Variants in NLRP12 observed in about 807,000 individuals in gnomAD.
NLRP12 encodes NLR family pyrin domain containing 12.
In NLRP12, 108 loss-of-function variants were observed where a neutral mutation model predicts 91.2. The observed-to-expected ratio is 1.18, with a 90% confidence interval of 1.01 to 1.39. The LOEUF (loss-of-function observed/expected upper bound fraction) is 1.39, where lower values mean the gene tolerates loss of function less well. NLRP12 is among the 40% of genes most tolerant of loss of function. The pLI, the probability that NLRP12 is intolerant of heterozygous loss-of-function variation, is 0.00. For missense variants in NLRP12, 1,530 were observed against 1,352.7 expected, an observed-to-expected ratio of 1.13 and a Z score of -2.06; for synonymous variants, 613 against 566.7, an observed-to-expected ratio of 1.08 and a Z score of -1.16.
At position 53,811,184 on chromosome 19, in the gene NLRP12, GGGTGTACC is replaced by G; in HGVS notation, c.467_474del (p.Arg156ProfsTer34). The G allele has an allele frequency of 6.2e-7, 1 of 1,614,150 alleles. No homozygotes were observed. The highest frequency in any genetic ancestry group is 8.5e-7 in the Non-Finnish European group (1 of 1,180,034). ...GAGTGCTCCTTCACCAGCAGGAGCC[GGGTGTACC>G]GGTGGCTGAGGTTGACACATTCCCC... On this transcript the variant is annotated frameshift_variant, in exon 3 of 10. Transcript: ENST00000324134. LOFTEE classifies it high-confidence loss of function.
In NLRP12 at chr19:53,804,399, TTG is replaced by T. The variant is rs780414927; in HGVS notation, c.2415-279_2415-278del. On this transcript the variant is annotated intron_variant, in intron 5 of 9. Coordinates refer to ENST00000324134, the MANE Select transcript of NLRP12 (RefSeq NM_144687.4). ...TGTTTTTTGTTTTTTTTGGGTTTTTTTGTTTTTTTTTTTTTTTGAGGTAGAAC... is the reference window on the plus strand; with the variant it reads ...TGTTTTTTGTTTTTTTTGGGTTTTTTTTTTTTTTTTTTTTTGAGGTAGAAC... 5.0e-3 allele frequency among the ~76,000 whole-genome samples: 361 copies of T among 72,378 alleles called. 13 individuals carry two copies. The highest frequency in any genetic ancestry group is 7.2e-3 in the Middle Eastern group (1 of 138). The allele number at this position is 72,378 out of a possible 152,430, so 47.5% of individuals were successfully genotyped here. A position where few individuals can be genotyped will look rare whatever the true frequency, so the allele number is the denominator to read the frequency against.
chr19:53,810,857 T>C lies in NLRP12; in HGVS notation c.802A>G (p.Ile268Val), dbSNP rs2092060114. Residue 268 changes from isoleucine (I) to valine (V), a missense_variant, in exon 3 of 10, where the codon ATC becomes GTC. By Grantham distance (29) the Ile-to-Val change is conservative. Coordinates refer to ENST00000324134, the MANE Select transcript of NLRP12 (RefSeq NM_144687.4). ...CTGGGCTCAGGCCAGCAGCTGAAGA[T>C]GAGGTCTTGCATGCTGCATTCCGTG... Reference protein sequence around the residue: ...SATECSMQDLIFSCWPEPSAP... With the variant: ...SATECSMQDLVFSCWPEPSAP... 6.2e-7 allele frequency: 1 copy of C among 1,614,070 alleles called. No individual in the cohort carries two copies. Among genetic ancestry groups the C allele is most frequent in the Non-Finnish European group, 8.5e-7 (1 of 1,180,022 alleles).
At chr19:53,823,401 T>TATA (rs2092290938) in intron 1 of NLRP12, among the ~76,000 whole-genome samples, 1 of 132,970 alleles carries the variant, frequency 7.5e-6, no homozygotes, top group Non-Finnish European at 1.6e-5. Flanking sequence ...TTTAAATATA[T>TATA]ATTTAAAATA....
intron 8 of NLRP12, among the ~76,000 whole-genome samples, chr19:53,797,805 C>T (rs1046314027): frequency 2.0e-5 from 3 of 151,272 alleles, no homozygotes; most frequent in African/African-American, 7.3e-5. Flanking sequence ...ATGGCATGAT[C>T]TCGGCTCACT....
At position 53,824,299 on chromosome 19, in the gene NLRP12, C is replaced by A; in HGVS notation, c.-125G>T. 1 of 1,021,080 alleles carries A rather than the reference C, an allele frequency of 9.8e-7. No homozygotes were observed. Among genetic ancestry groups the A allele is most frequent in the Non-Finnish European group, 1.5e-6 (1 of 674,036 alleles). 63.3% of individuals were successfully genotyped at this position (1,021,080 alleles called of 1,614,324 possible). On this transcript the variant is annotated 5_prime_UTR_variant, in exon 1 of 10. Transcript: ENST00000324134. ...CAGGCAGCGGGCGGAGAGGCTGAGC[C>A]AGTGGTTGGAGGAGAGAGCAAGGGA... is the stretch of plus-strand genomic sequence containing the variant.
chr19:53,823,994 T>G lies in NLRP12; in HGVS notation c.181A>C (p.Ile61Leu). 3 of 1,614,192 alleles carry G rather than the reference T, an allele frequency of 1.9e-6. No homozygotes were observed. Among genetic ancestry groups the G allele is most frequent in the Non-Finnish European group, 2.5e-6 (3 of 1,180,040 alleles). Residue 61 changes from isoleucine to leucine, a missense_variant, in exon 1 of 10, where the codon ATC (isoleucine) becomes CTC (leucine). Physicochemically the swap from Ile to Leu is conservative, Grantham distance 5 (BLOSUM62 2). Coordinates refer to ENST00000324134, the MANE Select transcript of NLRP12 (RefSeq NM_144687.4). The part of the protein sequence containing the change: ...AGPLEMAQLL[I>L]THFGPEEAWR... ...GCCTCCTCTGGCCCGAAGTGGGTGA[T>G]GAGCAGCTGGGCCATTTCCAGGGGA...
At chr19:53,814,129 T>C (rs1199686978) in intron 2 of NLRP12, among the ~76,000 whole-genome samples, 4 of 152,138 alleles carry the variant, frequency 2.6e-5, no homozygotes. Flanking sequence ...GCAAACCTGA[T>C]TCTGTTTGGT....
intron 1 of NLRP12, among the ~76,000 whole-genome samples, chr19:53,821,171 G>T (rs1182404490): frequency 6.6e-6 from 1 of 151,186 alleles, no homozygotes; most frequent in Non-Finnish European, 1.5e-5. Flanking sequence ...GATTAGCAGG[G>T]ATTACTGGCG....
chr19:53,821,583 G>A (rs995257299), intron 1 of NLRP12, among the ~76,000 whole-genome samples: 21 of 152,024 alleles, frequency 1.4e-4, no homozygotes, highest in African/African-American at 4.8e-4. Flanking sequence ...CAGGAGAATG[G>A]CGTGAACCCA....
Position 53,810,283 on chromosome 19 carries a change from C to T in NLRP12, c.1376G>A (p.Arg459Lys), listed in dbSNP as rs2122666367. 6.2e-7 allele frequency: 1 copy of T among 1,614,054 alleles called. No homozygotes were observed. Reference protein sequence around the residue: ...APRLQPPPNQRGLCSLAADGL... With the variant: ...APRLQPPPNQKGLCSLAADGL... ...ATCTGCCGCCAAGGAGCACAACCCT[C>T]TCTGGTTGGGTGGGGGCTGGAGGCG... Residue 459 changes from arginine to lysine, a missense_variant, in exon 3 of 10, where the codon AGA (arginine) becomes AAA (lysine). Arg to Lys is a conservative substitution (Grantham distance 26). Transcript: ENST00000324134.
At position 53,801,358 on chromosome 19, in the gene NLRP12, C is replaced by G. The variant is rs2091867770; in HGVS notation, c.2625G>C (p.Glu875Asp). ...ICRLTAAACD[E>D]LASTLSVNQS... is the part of the protein sequence containing the mutation. ...GGTTCACACTGAGAGTTGAGGCCAGCTCGTCACAGGCAGCAGCAGTGAGGC... is the reference window on the plus strand; with the variant it reads ...GGTTCACACTGAGAGTTGAGGCCAGGTCGTCACAGGCAGCAGCAGTGAGGC... Residue 875 changes from glutamate (E) to aspartate (D), a missense_variant, in exon 7 of 10, where the codon GAG becomes GAC. Transcript: ENST00000324134. 5 of 1,613,812 alleles carry G rather than the reference C, an allele frequency of 3.1e-6. No individual in the cohort carries two copies. The African/African-American group carries it at 4.0e-5, about 13-fold the overall frequency.
At chr19:53,807,115 T>A (rs2091972725) in intron 4 of NLRP12, among the ~76,000 whole-genome samples, 1 of 150,060 alleles carries the variant, frequency 6.7e-6, no homozygotes, top group Non-Finnish European at 1.5e-5. Flanking sequence ...TCACCCAGGC[T>A]GGAGTGCAGT....
chr19:53,794,791 C>T, intron 9 of NLRP12, among the ~76,000 whole-genome samples: 1 of 151,646 alleles, frequency 6.6e-6, no homozygotes. Flanking sequence ...CTTAGCCTCC[C>T]AAGTAGCTGG....
Position 53,823,955 on chromosome 19 carries a change from G to C in NLRP12, c.220C>G (p.Leu74Val), listed in dbSNP as rs2092306421. 6.2e-7 allele frequency: 1 copy of C among 1,613,976 alleles called. No homozygotes were observed. The highest frequency in any genetic ancestry group is 1.3e-5 in the African/African-American group (1 of 74,880). ...CTGTTTATCCGCTCAAAGGTGCTGA[G>C]AGCCAACCTCCAGGCCTCCTCTGGC... The part of the protein sequence containing the change: ...FGPEEAWRLA[L>V]STFERINRKD... Residue 74 changes from leucine (L) to valine (V), a missense_variant, in exon 1 of 10, where the codon CTC becomes GTC. Transcript: ENST00000324134.
In NLRP12 at chr19:53,809,635, T is replaced by G; in HGVS notation, c.2024A>C (p.Glu675Ala). 6.2e-7 allele frequency: 1 copy of G among 1,613,320 alleles called. No homozygotes were observed. Among genetic ancestry groups the G allele is most frequent in the Non-Finnish European group, 8.5e-7 (1 of 1,179,896 alleles). ...LYGATYSADG[E>A]DRARCSAGAH... ...TCCTGCGGAGCACCTCGCGCGGTCT[T>G]CCCCGTCCGCGCTGTAGGTGGCGCC... Residue 675 changes from glutamate (E) to alanine (A), a missense_variant, in exon 3 of 10, where the codon GAA (glutamate) becomes GCA (alanine). Physicochemically the swap from Glu to Ala is moderately radical, Grantham distance 107. Transcript: ENST00000324134.
chr19:53,799,714 C>T (rs1436412905), intron 7 of NLRP12, among the ~76,000 whole-genome samples: 5 of 151,912 alleles, frequency 3.3e-5, no homozygotes, highest in Admixed American at 3.3e-4. Flanking sequence ...AACTCCTGAC[C>T]TCAGGTCATT....
chr19:53,821,038 T>C (rs1177421158), intron 1 of NLRP12, among the ~76,000 whole-genome samples: 15 of 132,294 alleles, frequency 1.1e-4, no homozygotes, highest in Admixed American at 1.5e-4. Context: ...TTTCTTTTTT[T>C]TTTTTTTTTT....
In NLRP12 at chr19:53,793,951, C is replaced by G. The variant is rs1009001050; in HGVS notation, c.*98G>C. On this transcript the variant is annotated 3_prime_UTR_variant, in exon 10 of 10. Transcript: ENST00000324134. ...TTGATCTCAATCTGCATGAGTCTGT[C>G]TCTAGGAAGGAGGCTGATCATTATG... 2 of 870,520 alleles carry G rather than the reference C, an allele frequency of 2.3e-6. No individual in the cohort carries two copies. The highest frequency in any genetic ancestry group is 1.8e-5 in the Admixed American group (1 of 56,976). 53.9% of individuals were successfully genotyped at this position (870,520 alleles called of 1,614,324 possible).
rs902232133 is a variant in NLRP12 at position 53,818,729 on chromosome 19, G to C, written c.290-3741C>G. Among the ~76,000 whole-genome samples the C allele has an allele frequency of 5.9e-5, 9 of 152,272 alleles. 1 individual carries two copies. The highest frequency in any genetic ancestry group is 6.8e-3 in the Middle Eastern group (2 of 294). ...AAAATTGCAGCTGAAAAAGGCCTCAGAGATGTTCTCCCTCAGTGTTTCCTA... is the reference window on the plus strand; with the variant it reads ...AAAATTGCAGCTGAAAAAGGCCTCACAGATGTTCTCCCTCAGTGTTTCCTA... On this transcript the variant is annotated intron_variant, in intron 1 of 9. Coordinates refer to ENST00000324134, the MANE Select transcript of NLRP12 (RefSeq NM_144687.4).
Sources: gnomAD v4.1 joint callset for allele counts (sites outside exome capture counted in the v4.1 genomes callset) on GRCh38, gnomAD v4.1.1 for gene constraint, MANE v1.5 for transcripts, NCBI Gene and HGNC (gene_info 2026-07-23, HGNC 2026-07-21) for gene names.